IDO2: variants seen among roughly 807,000 people sequenced by gnomAD.
IDO2 encodes the protein indoleamine 2,3-dioxygenase 2, also known as indoleamine 2,3-dioxygenase-like 1 protein.
A neutral mutation model predicts 45.1 loss-of-function variants in IDO2; 46 were observed. The ratio of observed to expected loss-of-function variants is 1.02; its 90% confidence interval spans 0.80 to 1.30. IDO2 has a LOEUF of 1.30. IDO2 is among the 50% of genes most tolerant of loss of function. IDO2 has a pLI of 0.00. For synonymous variants in IDO2, 218 were observed against 184.9 expected (o/e 1.18, Z -1.45); for missense variants, 544 against 491.8 (o/e 1.11, Z -1.00).
chr8:39,982,907 T>C, intron 5 of IDO2, 137 bp downstream of exon 5: 1 of 574,698 alleles, frequency 1.7e-6, no homozygotes, highest in Non-Finnish European at 3.0e-6. Flanking sequence ...GACCAAAAAT[T>C]CAAATATCAC....
At chr8:39,950,863 C>A (rs10958576) in intron 2 of IDO2, among the ~76,000 whole-genome samples, 59,053 of 151,996 alleles carry the variant, frequency 0.39, 12,660 homozygotes, top group Non-Finnish European at 0.49. Flanking sequence ...CTAGTTCTGT[C>A]CAGACATGCC....
intron 8 of IDO2, among the ~76,000 whole-genome samples, chr8:39,996,520 AT>A (rs1429525188): frequency 6.6e-6 from 1 of 151,850 alleles, no homozygotes; most frequent in Non-Finnish European, 1.5e-5. Context: ...TCAATCTGGC[AT>A]TTGGGGCCAC....
intron 8 of IDO2, among the ~76,000 whole-genome samples, chr8:39,990,799 A>G (rs2129594806): frequency 6.6e-6 from 1 of 152,340 alleles, no homozygotes; most frequent in East Asian, 1.9e-4. Context: ...TGCTTAACAC[A>G]GGCATGGTCA....
intron 9 of IDO2, among the ~76,000 whole-genome samples, chr8:40,013,173 T>G (rs1265525112): frequency 1.7e-4 from 26 of 152,120 alleles, no homozygotes; most frequent in Admixed American, 2.6e-4. Flanking sequence ...AAGTATCTGC[T>G]CATCAAGGTT....
At chr8:40,000,189 G>A (rs117459767) in intron 8 of IDO2, among the ~76,000 whole-genome samples, 13,101 of 152,048 alleles carry the variant, frequency 0.086, 659 homozygotes, top group Middle Eastern at 0.15. Context: ...TGAGGTGGTC[G>A]GATCATGAGG....
At chr8:39,959,197 T>C (rs1807951784) in intron 2 of IDO2, among the ~76,000 whole-genome samples, 1 of 151,604 alleles carries the variant, frequency 6.6e-6, no homozygotes, top group Non-Finnish European at 1.5e-5. Flanking sequence ...AAGCTCTGCC[T>C]CCCAGGTTCA....
At chr8:39,998,113 G>A in intron 8 of IDO2, 1 of 213,632 alleles carries the variant, frequency 4.7e-6, no homozygotes, top group Non-Finnish European at 1.0e-5. Context: ...CAAAGCCTAT[G>A]GTAGACATGG....
At chr8:39,980,561 T>C (rs1277629229) in intron 4 of IDO2, among the ~76,000 whole-genome samples, 1 of 152,146 alleles carries the variant, frequency 6.6e-6, no homozygotes, top group Non-Finnish European at 1.5e-5. Flanking sequence ...TTTTTAAAAG[T>C]GTGCCTTCCC....
intron 8 of IDO2, among the ~76,000 whole-genome samples, chr8:40,004,557 A>AGATAGATAGATAGAT (rs1563441334): frequency 6.6e-6 from 1 of 151,868 alleles, no homozygotes; most frequent in African/African-American, 2.4e-5. Context: ...ATAGATAGAT[A>AGATAGATAGATAGAT]GATAGATAGA....
chr8:39,969,196 T>C (rs1048769029), intron 3 of IDO2, among the ~76,000 whole-genome samples: 2 of 152,194 alleles, frequency 1.3e-5, no homozygotes, highest in African/African-American at 2.4e-5. Flanking sequence ...CAACCTTGCA[T>C]CAAGCAAGTC....
At chr8:39,982,422 G>A (rs530303501) in intron 4 of IDO2, among the ~76,000 whole-genome samples, 101 of 152,024 alleles carry the variant, frequency 6.6e-4, no homozygotes, top group African/African-American at 2.1e-3. Flanking sequence ...GTGGTCCAGC[G>A]TTGTAATTTT....
At chr8:39,966,026 C>CT (rs59731560) in intron 3 of IDO2, among the ~76,000 whole-genome samples, 1,664 of 96,500 alleles carry the variant, frequency 0.017, 110 homozygotes, top group African/African-American at 0.051. Context: ...TCTATCGCTT[C>CT]TTTTTTTTTT....
intron 3 of IDO2, among the ~76,000 whole-genome samples, chr8:39,973,594 T>C (rs1808212637): frequency 6.6e-6 from 1 of 152,142 alleles, no homozygotes; most frequent in Admixed American, 6.5e-5. Flanking sequence ...AGCATTCTAA[T>C]TGTGCATTGT....
At chr8:39,997,112 C>T (rs1264440850) in intron 8 of IDO2, among the ~76,000 whole-genome samples, 2 of 152,058 alleles carry the variant, frequency 1.3e-5, no homozygotes, top group Non-Finnish European at 2.9e-5. Flanking sequence ...AGATATACAA[C>T]CAAGACAAAT....
At position 39,951,479 on chromosome 8, in the gene IDO2, G is replaced by A. The variant is rs192896068; in HGVS notation, c.99+2215G>A. ...AATCAGGAAAGTGCTGGGACAATTC[G>A]GATGAGTCGGTCACGCTAAGTTGCA... On this transcript the variant is annotated intron_variant, in intron 2 of 10. Transcript: ENST00000502986. Among the ~76,000 whole-genome samples the A allele has an allele frequency of 4.1e-3, 629 of 152,118 alleles. 4 individuals are homozygous for A. The highest frequency in any genetic ancestry group is 0.014 in the African/African-American group (592 of 41,498).
chr8:39,943,346 G>A (rs548005740), intron 1 of IDO2, among the ~76,000 whole-genome samples: 2 of 152,222 alleles, frequency 1.3e-5, no homozygotes, highest in South Asian at 4.1e-4. Flanking sequence ...ACTCCAGTCT[G>A]GATGACAGAG....
At chr8:39,967,158 C>G (rs1004900560) in intron 3 of IDO2, among the ~76,000 whole-genome samples, 1 of 151,948 alleles carries the variant, frequency 6.6e-6, no homozygotes, top group African/African-American at 2.4e-5. Context: ...GAGTGCAAAC[C>G]ATCAGAAAAA....
At position 39,954,054 on chromosome 8, in the gene IDO2, C is replaced by T. The variant is rs139937647; in HGVS notation, c.99+4790C>T. Among the ~76,000 whole-genome samples the T allele has an allele frequency of 6.6e-3, 1,005 of 152,118 alleles. 15 individuals carry two copies. The highest frequency in any genetic ancestry group is 0.023 in the African/African-American group (949 of 41,482). On this transcript the variant is annotated intron_variant, in intron 2 of 10. Transcript: ENST00000502986. ...ATTTTCTATTCTTTCAAAATTTTTC[C>T]GGCCATTTTATTGTTTCTATTTAGT...
rs564090803 is a variant in IDO2, at chr8:39,975,321, C to T, written c.196-3746C>T. 3.9e-5 allele frequency among the ~76,000 whole-genome samples: 6 copies of T among 152,070 alleles called. No homozygotes were observed. The South Asian group carries it at 1.0e-3, about 26-fold the overall frequency. On this transcript the variant is annotated intron_variant, in intron 3 of 10. Transcript: ENST00000502986. The stretch of plus-strand genomic sequence containing the variant: ...ATACTTGATATCCTTAAAACAGGAC[C>T]TCTGTTCATCAAAACAGGCCAAAAG...
Sources: gnomAD v4.1 joint callset for allele counts (sites outside exome capture counted in the v4.1 genomes callset) on GRCh38, gnomAD v4.1.1 for gene constraint, MANE v1.5 for transcripts, NCBI Gene and HGNC (gene_info 2026-07-23, HGNC 2026-07-21) for gene names.